WDR7: variants seen among roughly 807,000 people sequenced by gnomAD.
WDR7 encodes WD repeat-containing protein 7.
Under a neutral mutation model 169.4 loss-of-function variants are expected in WDR7, and 46 were observed. The observed-to-expected ratio is 0.27, with a 90% CI of 0.21 to 0.35. The LOEUF is 0.35. Ranked by LOEUF, WDR7 falls within the 10% of genes least tolerant of loss-of-function variation. The probability of loss-of-function intolerance (pLI) is 1.00; values close to 1 mark genes in which losing one functional copy is unlikely to be tolerated. For missense variants in WDR7, 1,534 were observed against 1,859.3 expected (o/e 0.83, Z 3.22); for synonymous variants, 612 against 666.8 (o/e 0.92, Z 1.27).
chr18:56,665,660 G>A (rs1274612252), intron 1 of WDR7, among the ~76,000 whole-genome samples: 1 of 151,926 alleles, frequency 6.6e-6, no homozygotes, highest in African/African-American at 2.4e-5. Flanking sequence ...TTCTTTCCAG[G>A]TACCCTTTAA....
chr18:56,972,053 GA>G (rs1568294028), intron 26 of WDR7, among the ~76,000 whole-genome samples: 1 of 152,164 alleles, frequency 6.6e-6, no homozygotes, highest in African/African-American at 2.4e-5. Flanking sequence ...TATTTTGGGG[GA>G]AAGGGGACTT....
At chr18:56,660,139 T>A (rs966513099) in intron 1 of WDR7, among the ~76,000 whole-genome samples, 1 of 152,158 alleles carries the variant, frequency 6.6e-6, no homozygotes, top group Admixed American at 6.5e-5. Context: ...TCTGTGTAGC[T>A]ATAAAACTGG....
At chr18:56,826,498 C>T (rs1223642867) in intron 20 of WDR7, among the ~76,000 whole-genome samples, 3 of 152,196 alleles carry the variant, frequency 2.0e-5, no homozygotes, top group Non-Finnish European at 2.9e-5. Flanking sequence ...GGTTTCAAGT[C>T]ACTTGCAAGT....
At chr18:57,016,776 TG>T (rs1327823128) in intron 26 of WDR7, among the ~76,000 whole-genome samples, 5 of 151,908 alleles carry the variant, frequency 3.3e-5, no homozygotes, top group Non-Finnish European at 7.4e-5. Flanking sequence ...GAAAAAGGGG[TG>T]GGGGTGTTTA....
chr18:56,826,595 G>A (rs1163802486), intron 20 of WDR7, among the ~76,000 whole-genome samples: 2 of 152,148 alleles, frequency 1.3e-5, no homozygotes, highest in Non-Finnish European at 2.9e-5. Flanking sequence ...CCATAAACCT[G>A]AATGTATTTT....
At chr18:56,722,212 G>A (rs899050935) in intron 13 of WDR7, among the ~76,000 whole-genome samples, 3 of 152,196 alleles carry the variant, frequency 2.0e-5, no homozygotes, top group Non-Finnish European at 2.9e-5. Flanking sequence ...TAAAGTCTTA[G>A]TGACTGTTAT....
intron 20 of WDR7, among the ~76,000 whole-genome samples, chr18:56,861,622 T>C (rs1299629441): frequency 2.6e-5 from 4 of 152,186 alleles, no homozygotes; most frequent in Non-Finnish European, 2.9e-5. Context: ...GTTTCATTTT[T>C]TTTTCTTTAA....
chr18:56,940,677 C>T (rs527237289), intron 25 of WDR7, among the ~76,000 whole-genome samples: 8 of 152,212 alleles, frequency 5.3e-5, no homozygotes, highest in Admixed American at 2.0e-4. Flanking sequence ...AATGTCTAAG[C>T]GAAAATGTAC....
intron 23 of WDR7, among the ~76,000 whole-genome samples, chr18:56,937,897 T>C (rs1189388560): frequency 6.6e-6 from 1 of 152,196 alleles, no homozygotes; most frequent in Non-Finnish European, 1.5e-5. Context: ...ATTTTGTATG[T>C]TATATATATT....
intron 21 of WDR7, among the ~76,000 whole-genome samples, chr18:56,914,649 AT>A (rs1012559237): frequency 5.9e-5 from 9 of 152,148 alleles, no homozygotes; most frequent in Admixed American, 1.3e-4. Flanking sequence ...AGGTTAATGG[AT>A]TTTTTTTAAC....
intron 20 of WDR7, among the ~76,000 whole-genome samples, chr18:56,862,117 G>A (rs779305985): frequency 9.2e-5 from 14 of 151,810 alleles, no homozygotes; most frequent in African/African-American, 1.7e-4. Flanking sequence ...ATAAATTAAC[G>A]AAGAAAAATT....
At chr18:56,800,482 T>C (rs952537099) in intron 19 of WDR7, among the ~76,000 whole-genome samples, 2 of 152,148 alleles carry the variant, frequency 1.3e-5, no homozygotes, top group Admixed American at 6.6e-5. Flanking sequence ...TAAATACATA[T>C]CTACATTTTG....
chr18:56,661,796 T>G (rs189071552), intron 1 of WDR7, among the ~76,000 whole-genome samples: 13 of 152,348 alleles, frequency 8.5e-5, no homozygotes, highest in Non-Finnish European at 1.5e-4. Context: ...AGCTGTTTCA[T>G]AGTAGTATAA....
downstream of WDR7, chr18:57,032,801 T>TTATTTATATATATA (rs1210749361): frequency 7.5e-5 from 8 of 106,182 alleles, no homozygotes; most frequent in African/African-American, 2.6e-4. Flanking sequence ...TATAATTATT[T>TTATTTATATATATA]TATATATATA....
At chr18:56,999,961 T>A (rs1168133509) in intron 26 of WDR7, among the ~76,000 whole-genome samples, 1 of 152,184 alleles carries the variant, frequency 6.6e-6, no homozygotes, top group Non-Finnish European at 1.5e-5. Context: ...TCAGTTGCAT[T>A]TGAGGCAGAA....
chr18:56,918,677 G>A (rs1357152483), intron 21 of WDR7, among the ~76,000 whole-genome samples: 1 of 152,060 alleles, frequency 6.6e-6, no homozygotes, highest in Admixed American at 6.6e-5. Context: ...TTAGTACATT[G>A]TTTATATTTT....
chr18:56,692,280 A>G (rs901306720), intron 9 of WDR7, among the ~76,000 whole-genome samples: 3 of 152,192 alleles, frequency 2.0e-5, no homozygotes, highest in Admixed American at 6.5e-5. Flanking sequence ...AATAAAGAAT[A>G]AAACATTTTT....
intron 14 of WDR7, among the ~76,000 whole-genome samples, chr18:56,755,442 A>C (rs2043870243): frequency 6.6e-6 from 1 of 152,220 alleles, no homozygotes; most frequent in African/African-American, 2.4e-5. Flanking sequence ...TTGGAGTAAG[A>C]GACCAGGGAC....
At chr18:57,018,588 T>C (rs2048241566) in intron 26 of WDR7, among the ~76,000 whole-genome samples, 1 of 152,182 alleles carries the variant, frequency 6.6e-6, no homozygotes, top group South Asian at 2.1e-4. Context: ...CAGGAGAGGC[T>C]GGAAATCTTG....
Sources: gnomAD v4.1 joint callset for allele counts (sites outside exome capture counted in the v4.1 genomes callset) on GRCh38, gnomAD v4.1.1 for gene constraint, MANE v1.5 for transcripts, NCBI Gene and HGNC (gene_info 2026-07-23, HGNC 2026-07-21) for gene names.